The following VPS41 variants were observed in gnomAD, a reference collection of about 807,000 sequenced individuals.
VPS41 encodes VPS41 subunit of HOPS complex, also known as vacuolar protein sorting-associated protein 41 homolog.
VPS41 carries 85 observed loss-of-function variants against 130.9 expected under a neutral mutation model. That is an observed-to-expected ratio of 0.65 (90% CI 0.55 to 0.78). VPS41 has a LOEUF of 0.78. Among genes scored for constraint, VPS41 ranks in the 30% least tolerant of loss-of-function variants. VPS41 has a pLI of 0.00. For synonymous variants in VPS41, 335 were observed against 332.9 expected, an observed-to-expected ratio of 1.01 and a Z score of -0.07; for missense variants, 874 against 1,018.7, an observed-to-expected ratio of 0.86 and a Z score of 1.93.
At chr7:38,853,757 C>A (rs1026409452) in intron 4 of VPS41, among the ~76,000 whole-genome samples, 4 of 152,186 alleles carry the variant, frequency 2.6e-5, no homozygotes, top group Non-Finnish European at 5.9e-5. Flanking sequence ...TTACTTCAAC[C>A]CTGACTTTGA....
At chr7:38,728,843 G>T in intron 25 of VPS41, 52 bp from the exon 26 acceptor site, 1 of 1,507,452 alleles carries the variant, frequency 6.6e-7, no homozygotes, top group Non-Finnish European at 9.2e-7. Context: ...TCAAATCTGA[G>T]GGGTGAAGGG....
At chr7:38,901,512 G>C (rs1562630215) in intron 1 of VPS41, among the ~76,000 whole-genome samples, 1 of 152,172 alleles carries the variant, frequency 6.6e-6, no homozygotes, top group African/African-American at 2.4e-5. Flanking sequence ...AGAGGGCAAT[G>C]GGGAGGTGCC....
intron 7 of VPS41, among the ~76,000 whole-genome samples, chr7:38,813,380 G>C (rs749888418): frequency 1.6e-4 from 24 of 152,072 alleles, no homozygotes; most frequent in Non-Finnish European, 2.5e-4. Context: ...AGGAAGATGG[G>C]GAGTGACTGC....
chr7:38,883,126 C>T (rs1376034818), intron 2 of VPS41, among the ~76,000 whole-genome samples: 2 of 152,188 alleles, frequency 1.3e-5, no homozygotes, highest in Non-Finnish European at 2.9e-5. Context: ...ACCTGTACTC[C>T]TAGCTATTCG....
rs1795486487 is a variant in VPS41 at position 38,723,918 on chromosome 7, G to C, written c.*2328C>G. The C allele has an allele frequency of 6.6e-6, 1 of 151,864 alleles. No individual in the cohort carries two copies. The highest frequency in any genetic ancestry group is 2.1e-4 in the South Asian group (1 of 4,820). The allele number at this position is 151,864 out of a possible 1,614,324, so 9.4% of individuals were successfully genotyped here. ...TTAAGCCCTTATAGGTTGATGAAAAGTAAAAAGGATTGAATATCCTTTAAT... is the reference window on the plus strand; with the variant it reads ...TTAAGCCCTTATAGGTTGATGAAAACTAAAAAGGATTGAATATCCTTTAAT... On this transcript the variant is annotated 3_prime_UTR_variant, in exon 29 of 29. Transcript: ENST00000310301.
intron 25 of VPS41, among the ~76,000 whole-genome samples, chr7:38,737,541 G>C (rs1048050863): frequency 2.6e-5 from 4 of 152,240 alleles, no homozygotes; most frequent in Admixed American, 1.3e-4. Context: ...AAGTGCACAG[G>C]CTTGGAATCC....
chr7:38,886,412 A>AGC (rs1786732720), intron 2 of VPS41, among the ~76,000 whole-genome samples: 2 of 152,176 alleles, frequency 1.3e-5, no homozygotes, highest in Non-Finnish European at 2.9e-5. Context: ...GCAGCAGTCT[A>AGC]AGATTGACCT....
chr7:38,752,334 G>C (rs777343611), intron 21 of VPS41, 21 bp from the exon 22 acceptor site: 8 of 1,612,580 alleles, frequency 5.0e-6, no homozygotes, highest in South Asian at 1.1e-5. Flanking sequence ...CAAAAGATAA[G>C]CCGTGACCCA....
intron 2 of VPS41, among the ~76,000 whole-genome samples, chr7:38,892,570 T>C (rs1322694701): frequency 6.6e-6 from 1 of 152,222 alleles, no homozygotes; most frequent in Non-Finnish European, 1.5e-5. Flanking sequence ...CAGTAACTTG[T>C]AGGACTTAAA....
intron 10 of VPS41, 97 bp downstream of exon 10, chr7:38,789,704 T>C: frequency 1.6e-6 from 2 of 1,214,446 alleles, no homozygotes; most frequent in Non-Finnish European, 2.4e-6. Context: ...GCTGCAGGGA[T>C]CCAGGCAAAA....
In VPS41 at chr7:38,723,564, A is replaced by G. The variant is rs1311945580; in HGVS notation, c.*2682T>C. On this transcript the variant is annotated 3_prime_UTR_variant, in exon 29 of 29. Transcript: ENST00000310301. ...CATGGTGAAACCTCATCTCTACCAA[A>G]GTACAAAAAATTAGCTGGGCATGGT... is the stretch of plus-strand genomic sequence containing the variant. 6.6e-6 allele frequency: 1 copy of G among 151,594 alleles called. No individual in the cohort carries two copies. The highest frequency in any genetic ancestry group is 6.6e-5 in the Admixed American group (1 of 15,212). The allele number at this position is 151,594 out of a possible 1,614,324, so 9.4% of individuals were successfully genotyped here. A position where few individuals can be genotyped will look rare whatever the true frequency, so the allele number is the denominator to read the frequency against.
At position 38,771,272 on chromosome 7, in the gene VPS41, G is replaced by GGACATAAT; in HGVS notation, c.1129-19_1129-18insATTATGTC. 1 of 1,512,742 alleles carries GGACATAAT rather than the reference G, an allele frequency of 6.6e-7. No homozygotes were observed. Among genetic ancestry groups the GGACATAAT allele is most frequent in the South Asian group, 1.2e-5 (1 of 82,198 alleles). The allele number at this position is 1,512,742 out of a possible 1,614,324, so 93.7% of individuals were successfully genotyped here. ...AATGCTTCCTTTATTCCAAACATAA[G>GGACATAAT]GATGATTTAAAAAAAAAAAAAAGCA... is the stretch of plus-strand genomic sequence containing the variant. On this transcript the variant is annotated intron_variant, in intron 13 of 28. Coordinates refer to ENST00000310301, the MANE Select transcript of VPS41 (RefSeq NM_014396.4).
intron 16 of VPS41, 79 bp downstream of exon 16, chr7:38,765,501 G>A (rs1252581110): frequency 8.4e-6 from 8 of 954,886 alleles, no homozygotes; most frequent in Non-Finnish European, 1.3e-5. Context: ...AAAGAGCTGA[G>A]TACTATTATC....
chr7:38,811,476 G>T (rs73115615), intron 7 of VPS41, among the ~76,000 whole-genome samples: 1 of 151,622 alleles, frequency 6.6e-6, no homozygotes, highest in Non-Finnish European at 1.5e-5. Flanking sequence ...ATTAAATTGC[G>T]GACACAGTTA....
chr7:38,745,587 G>A lies in VPS41; in HGVS notation c.1953C>T (p.Asn651=), dbSNP rs751626658. The part of the protein sequence containing the change: ...EKALEICQQR[N]FVEETVYLLS... ...GAAGATAAACTGTCTCTTCTACAAA[G>A]TTTCTCTGTTGACAGATCTCAAGAG... is the stretch of plus-strand genomic sequence containing the variant. Residue 651 remains asparagine (N), a synonymous_variant, in exon 23 of 29, where the codon AAC becomes AAT. Coordinates refer to ENST00000310301, the MANE Select transcript of VPS41 (RefSeq NM_014396.4). 4 of 1,607,748 alleles carry A rather than the reference G, an allele frequency of 2.5e-6. No individual in the cohort carries two copies.
rs79242710 is a variant in VPS41 at position 38,781,385 on chromosome 7, C to T, written c.785-4609G>A. Among the ~76,000 whole-genome samples, 57 of 152,254 alleles carry T rather than the reference C, an allele frequency of 3.7e-4. 1 individual carries two copies. The East Asian group carries it at 7.2e-3, about 19-fold the overall frequency. On this transcript the variant is annotated intron_variant, in intron 10 of 28. Transcript: ENST00000310301. Reference sequence around the variant, plus strand: ...TGCAGGTCTAGATGCCCAAGTTTTTCGCTTTAAAGTCCAATAATTTCATTA... The same window carrying T: ...TGCAGGTCTAGATGCCCAAGTTTTTTGCTTTAAAGTCCAATAATTTCATTA...
chr7:38,889,865 C>G (rs1786823957), intron 2 of VPS41, among the ~76,000 whole-genome samples: 1 of 152,118 alleles, frequency 6.6e-6, no homozygotes, highest in Non-Finnish European at 1.5e-5. Context: ...ACAATACCAA[C>G]TGATGTGGTG....
intron 25 of VPS41, among the ~76,000 whole-genome samples, chr7:38,737,230 G>C (rs1235558665): frequency 1.3e-5 from 2 of 152,066 alleles, no homozygotes; most frequent in African/African-American, 2.4e-5. Context: ...AAATTAGCTG[G>C]GTATGGTGGC....
intron 2 of VPS41, among the ~76,000 whole-genome samples, chr7:38,884,951 A>G (rs1786690332): frequency 6.6e-6 from 1 of 151,648 alleles, no homozygotes; most frequent in African/African-American, 2.4e-5. Context: ...TGTTAGGCTA[A>G]TAATTTGATG....
Sources: gnomAD v4.1 joint callset for allele counts (sites outside exome capture counted in the v4.1 genomes callset) on GRCh38, gnomAD v4.1.1 for gene constraint, MANE v1.5 for transcripts, NCBI Gene and HGNC (gene_info 2026-07-23, HGNC 2026-07-21) for gene names.